ARHGAP17: variants seen among roughly 807,000 people sequenced by gnomAD.
The protein encoded by ARHGAP17 is Rho GTPase activating protein 17.
A neutral mutation model predicts 99.5 loss-of-function variants in ARHGAP17; 57 were observed. That is an observed-to-expected ratio of 0.57 (90% CI 0.46 to 0.71). The LOEUF is 0.71. ARHGAP17 is among the 30% of genes least tolerant of loss of function. The pLI is 0.00. For synonymous variants in ARHGAP17, 417 were observed against 429.6 expected (o/e 0.97, Z 0.36); for missense variants, 1,000 against 1,122.4 (o/e 0.89, Z 1.56).
At chr16:25,009,670 G>A (rs1393108272) in intron 1 of ARHGAP17, among the ~76,000 whole-genome samples, 2 of 152,130 alleles carry the variant, frequency 1.3e-5, no homozygotes, top group African/African-American at 4.8e-5. Flanking sequence ...CCTCCTAGGA[G>A]TGGAAGACTC....
intron 1 of ARHGAP17, 85 bp from the exon 2 acceptor site, chr16:24,979,090 T>A: frequency 2.0e-6 from 2 of 988,276 alleles, no homozygotes; most frequent in Non-Finnish European, 3.0e-6. Flanking sequence ...GCCTGGAGTT[T>A]AAAGCAAAAC....
rs143844543 is a variant in ARHGAP17, at chr16:24,942,724, C to T, written c.1334-581G>A. On this transcript the variant is annotated intron_variant, in intron 15 of 19. Transcript: ENST00000289968. ...CAGAGGTTGCAGTGGGCCGAGATCGCGCCACTGCACTTCAGCCTGGGCGAC... is the reference window on the plus strand; with the variant it reads ...CAGAGGTTGCAGTGGGCCGAGATCGTGCCACTGCACTTCAGCCTGGGCGAC... 5.5e-3 allele frequency among the ~76,000 whole-genome samples: 829 copies of T among 149,666 alleles called. 3 individuals carry two copies. Among genetic ancestry groups the T allele is most frequent in the Middle Eastern group, 0.017 (5 of 292 alleles).
chr16:24,995,123 G>A (rs866653276), intron 1 of ARHGAP17, among the ~76,000 whole-genome samples: 1 of 152,262 alleles, frequency 6.6e-6, no homozygotes, highest in East Asian at 1.9e-4. Context: ...TACTAGAACA[G>A]CATAAGGGTA....
intron 5 of ARHGAP17, 62 bp from the exon 6 acceptor site, chr16:24,968,489 GTAT>G (rs2052258315): frequency 6.3e-7 from 1 of 1,594,292 alleles, no homozygotes; most frequent in African/African-American, 1.3e-5. Context: ...CCATTTTAAA[GTAT>G]TTACAAACGT....
intron 1 of ARHGAP17, among the ~76,000 whole-genome samples, chr16:25,002,898 G>A (rs916818385): frequency 2.6e-5 from 4 of 152,158 alleles, no homozygotes; most frequent in Admixed American, 1.3e-4. Flanking sequence ...AATTAGCCAG[G>A]TGTGGTGGTG....
chr16:24,936,702 T>A, intron 17 of ARHGAP17: 1 of 148,558 alleles, frequency 6.7e-6, no homozygotes. Context: ...CGAGATGCTG[T>A]CTCAAAAAAA....
intron 19 of ARHGAP17, among the ~76,000 whole-genome samples, chr16:24,925,882 G>A (rs547570651): frequency 2.0e-4 from 31 of 152,174 alleles, no homozygotes; most frequent in African/African-American, 2.2e-4. Flanking sequence ...AGGCCGAGAC[G>A]GGCAGATCAC....
In ARHGAP17 at chr16:24,989,223, G is replaced by A. The variant is rs375641491; in HGVS notation, c.54-10218C>T. Among the ~76,000 whole-genome samples, 30 of 152,294 alleles carry A rather than the reference G, an allele frequency of 2.0e-4. No homozygotes were observed. In the East Asian group the frequency reaches 3.7e-3, roughly 19 times the overall value. The stretch of plus-strand genomic sequence containing the variant: ...GATGGCTGCTGGGGAGGTGCACAGC[G>A]TCTGAAGACAGGTTGTGCAGGCTCC... On this transcript the variant is annotated intron_variant, in intron 1 of 19. Transcript: ENST00000289968.
At chr16:24,939,218 CT>C in intron 17 of ARHGAP17, 145 bp downstream of exon 17, 1 of 710,570 alleles carries the variant, frequency 1.4e-6, no homozygotes. Flanking sequence ...TTTTTTCCAT[CT>C]TTTGCCAACC....
intron 1 of ARHGAP17, among the ~76,000 whole-genome samples, chr16:24,998,928 G>A (rs2053279961): frequency 6.6e-6 from 1 of 152,188 alleles, no homozygotes; most frequent in African/African-American, 2.4e-5. Context: ...CTGAAAGGAG[G>A]AGAGACCGCG....
rs1443958565 is a variant in ARHGAP17, at chr16:24,968,520, G to C, written c.385-93C>G. On this transcript the variant is annotated intron_variant, in intron 5 of 19. Coordinates refer to ENST00000289968, the MANE Select transcript of ARHGAP17 (RefSeq NM_001006634.3). Reference sequence around the variant, plus strand: ...ACAAACGTTTTTTCTCTAAGGCAAAGGATTTTGTACCTTCAATTGACTCCC... The same window carrying C: ...ACAAACGTTTTTTCTCTAAGGCAAACGATTTTGTACCTTCAATTGACTCCC... 5 of 1,546,946 alleles carry C rather than the reference G, an allele frequency of 3.2e-6. No homozygotes were observed. The East Asian group carries it at 1.1e-4, about 35-fold the overall frequency.
At chr16:24,929,879 T>C (rs1174516973) in intron 19 of ARHGAP17, among the ~76,000 whole-genome samples, 1 of 152,218 alleles carries the variant, frequency 6.6e-6, no homozygotes, top group Non-Finnish European at 1.5e-5. Flanking sequence ...TCACTCAATA[T>C]GGTTGGAAAG....
At chr16:24,974,964 G>A (rs1299211540) in intron 3 of ARHGAP17, among the ~76,000 whole-genome samples, 1 of 152,042 alleles carries the variant, frequency 6.6e-6, no homozygotes, top group Non-Finnish European at 1.5e-5. Flanking sequence ...CTGGGCAACA[G>A]ATGAGACCTC....
At chr16:24,943,705 T>C in intron 15 of ARHGAP17, 66 bp downstream of exon 15, 2 of 1,414,970 alleles carry the variant, frequency 1.4e-6, no homozygotes, top group Non-Finnish European at 2.0e-6. Context: ...ATGTATTCTC[T>C]TAAGAAGACT....
At chr16:25,004,929 T>C (rs1051406143) in intron 1 of ARHGAP17, among the ~76,000 whole-genome samples, 1 of 152,200 alleles carries the variant, frequency 6.6e-6, no homozygotes. Flanking sequence ...TATTGTTTGT[T>C]TTTGAGATGG....
At chr16:24,966,078 T>C (rs2052170972) in intron 6 of ARHGAP17, among the ~76,000 whole-genome samples, 1 of 152,262 alleles carries the variant, frequency 6.6e-6, no homozygotes, top group African/African-American at 2.4e-5. Flanking sequence ...TCTATAATAA[T>C]GCTCAACCAA....
intron 16 of ARHGAP17, 100 bp downstream of exon 16, chr16:24,941,887 G>A: frequency 6.5e-7 from 1 of 1,536,252 alleles, no homozygotes; most frequent in African/African-American, 1.4e-5. Flanking sequence ...ATGGGTGGAT[G>A]GCGACCACTC....
intron 18 of ARHGAP17, among the ~76,000 whole-genome samples, chr16:24,934,118 G>A (rs142556871): frequency 3.4e-4 from 52 of 152,250 alleles, no homozygotes; most frequent in African/African-American, 1.3e-3. Flanking sequence ...GTAGTGCTTT[G>A]TAAAGACCAT....
In ARHGAP17 at chr16:24,919,796, G is replaced by A; in HGVS notation, c.*334C>T. ...TTACTCATTCCAAGTTGCTGTAGGTGCTGCCCGCATTAACAGCAGGGACAA... is the reference window on the plus strand; with the variant it reads ...TTACTCATTCCAAGTTGCTGTAGGTACTGCCCGCATTAACAGCAGGGACAA... On this transcript the variant is annotated 3_prime_UTR_variant, in exon 20 of 20. Coordinates refer to ENST00000289968, the MANE Select transcript of ARHGAP17 (RefSeq NM_001006634.3). 5.1e-6 allele frequency: 1 copy of A among 195,498 alleles called. No individual in the cohort carries two copies. Among genetic ancestry groups the A allele is most frequent in the African/African-American group, 2.3e-5 (1 of 43,244 alleles). The allele number at this position is 195,498 out of a possible 1,614,324, so 12.1% of individuals were successfully genotyped here.
Sources: allele counts gnomAD v4.1 joint callset (sites outside exome capture counted in the v4.1 genomes callset), GRCh38; gene constraint gnomAD v4.1.1; transcripts MANE v1.5; gene names NCBI Gene and HGNC (gene_info 2026-07-23, HGNC 2026-07-21).